Variants in SLC4A8 observed in about 807,000 individuals in gnomAD.
SLC4A8 encodes the protein solute carrier family 4 member 8, also known as electroneutral sodium bicarbonate exchanger 1.
Under a neutral mutation model 125.0 loss-of-function variants are expected in SLC4A8, and 40 were observed. The ratio of observed to expected loss-of-function variants is 0.32; its 90% CI spans 0.25 to 0.42. The LOEUF (loss-of-function observed/expected upper bound fraction) is 0.42, where lower values mean the gene tolerates loss of function less well. SLC4A8 is among the 10% of genes least tolerant of loss of function. The pLI is 1.00. For missense variants in SLC4A8, 863 were observed against 1,355.1 expected (o/e 0.64, Z 5.70); for synonymous variants, 456 against 476.0 (o/e 0.96, Z 0.55).
upstream of SLC4A8, among the ~76,000 whole-genome samples, chr12:51,424,029 T>C: frequency 9.6e-6 from 1 of 103,684 alleles, no homozygotes; most frequent in Non-Finnish European, 1.8e-5. Context: ...AGAGTGAAAC[T>C]TCGTCTCCAA....
intron 22 of SLC4A8, chr12:51,497,416 A>G (rs1438058257): frequency 3.8e-6 from 1 of 266,558 alleles, no homozygotes; most frequent in Non-Finnish European, 7.1e-6. Flanking sequence ...TCAATGGCTC[A>G]CATTCTTTCA....
chr12:51,499,180 CA>C lies in SLC4A8; in HGVS notation c.3081+2063del, dbSNP rs1245252576. Reference sequence around the variant, plus strand: ...TGGGCGAAAGAACAAGACTTTGTCTCAAAAAAATAAAAATAAGAAAGATATG... The same window carrying C: ...TGGGCGAAAGAACAAGACTTTGTCTCAAAAAATAAAAATAAGAAAGATATG... On this transcript the variant is annotated intron_variant, in intron 22 of 24. Coordinates refer to ENST00000453097, the MANE Select transcript of SLC4A8 (RefSeq NM_001039960.3). 2.6e-5 allele frequency among the ~76,000 whole-genome samples: 4 copies of C among 151,804 alleles called. No individual in the cohort carries two copies. In the East Asian group the frequency reaches 5.8e-4, roughly 22 times the overall value.
At chr12:51,439,087 C>T (rs55864166) in intron 1 of SLC4A8, among the ~76,000 whole-genome samples, 56,920 of 151,914 alleles carry the variant, frequency 0.37, 10,988 homozygotes, top group East Asian at 0.44. Flanking sequence ...GACAGAGTCT[C>T]GCTCTGTTGC....
chr12:51,474,650 CT>C (rs1195134632), intron 15 of SLC4A8: 1 of 901,110 alleles, frequency 1.1e-6, no homozygotes, highest in Non-Finnish European at 1.6e-6. Context: ...CTTCTCTTTT[CT>C]CCCCCCTACA....
At chr12:51,474,967 G>A in intron 15 of SLC4A8, 78 bp from the exon 16 acceptor site, 5 of 1,281,088 alleles carry the variant, frequency 3.9e-6, no homozygotes, top group South Asian at 1.4e-5. Context: ...GGATGACAAT[G>A]AGTGGTGGAC....
intron 16 of SLC4A8, among the ~76,000 whole-genome samples, chr12:51,483,463 TTCTTTTC>T (rs1951081797): frequency 6.6e-6 from 1 of 151,308 alleles, no homozygotes; most frequent in African/African-American, 2.4e-5. Context: ...TTTTCTTTTT[TTCTTTTC>T]TCTTTTTTTT....
chr12:51,391,803 G>C (rs1948120791), intron 1 of SLC4A8: 1 of 152,352 alleles, frequency 6.6e-6, no homozygotes, highest in Non-Finnish European at 1.5e-5. Flanking sequence ...GACCGGCAGA[G>C]GGGCGCCCCG....
intron 22 of SLC4A8, among the ~76,000 whole-genome samples, chr12:51,500,407 A>T (rs1199368139): frequency 6.6e-6 from 1 of 152,042 alleles, no homozygotes; most frequent in Non-Finnish European, 1.5e-5. Flanking sequence ...CATAGTTTTC[A>T]TATAACTATG....
chr12:51,427,462 G>A (rs1949029879), intron 1 of SLC4A8, among the ~76,000 whole-genome samples: 1 of 152,086 alleles, frequency 6.6e-6, no homozygotes, highest in Admixed American at 6.5e-5. Flanking sequence ...AAACTTTCTT[G>A]GGTGGTAGGG....
In SLC4A8 at chr12:51,475,660, C is replaced by T. The variant is rs1467441360; in HGVS notation, c.2172+454C>T. On this transcript the variant is annotated intron_variant, in intron 16 of 24. Transcript: ENST00000453097. ...ATGAAATCACTGGCGACACTGACTG[C>T]AGCAACCAGCATGCTCCTGACTTAG... Among the ~76,000 whole-genome samples, 10 of 152,318 alleles carry T rather than the reference C, an allele frequency of 6.6e-5. No individual in the cohort carries two copies. The East Asian group carries it at 1.4e-3, about 21-fold the overall frequency.
intron 16 of SLC4A8, among the ~76,000 whole-genome samples, chr12:51,479,674 C>A (rs561574044): frequency 8.4e-6 from 1 of 119,748 alleles, no homozygotes; most frequent in East Asian, 2.3e-4. Flanking sequence ...CAGAGTGAGA[C>A]TTGGTCTCAA....
At chr12:51,479,817 G>A (rs1950967812) in intron 16 of SLC4A8, among the ~76,000 whole-genome samples, 1 of 151,744 alleles carries the variant, frequency 6.6e-6, no homozygotes, top group Non-Finnish European at 1.5e-5. Context: ...TAAGATTATA[G>A]GCTATATGTT....
chr12:51,443,182 C>T (rs1949655813), intron 2 of SLC4A8, among the ~76,000 whole-genome samples: 3 of 152,058 alleles, frequency 2.0e-5, no homozygotes, highest in African/African-American at 7.2e-5. Flanking sequence ...AGTGCAGTGA[C>T]CCAGTCTTAG....
At chr12:51,504,310 G>A (rs1157275147) in intron 23 of SLC4A8, among the ~76,000 whole-genome samples, 190 bp downstream of exon 23, 3 of 152,198 alleles carry the variant, frequency 2.0e-5, no homozygotes, top group Non-Finnish European at 4.4e-5. Flanking sequence ...ACCAGGCACT[G>A]TATCAGGTTA....
intron 1 of SLC4A8, among the ~76,000 whole-genome samples, chr12:51,398,790 C>T (rs956527961): frequency 3.3e-5 from 5 of 152,192 alleles, no homozygotes; most frequent in African/African-American, 7.2e-5. Context: ...CGCTCTGTCG[C>T]GCAGTCTGGA....
Position 51,485,863 on chromosome 12 carries a change from T to G in SLC4A8, c.2249T>G (p.Val750Gly), listed in dbSNP as rs1341309800. 6.2e-7 allele frequency: 1 copy of G among 1,612,448 alleles called. No homozygotes were observed. The highest frequency in any genetic ancestry group is 1.3e-5 in the African/African-American group (1 of 74,856). The change falls in exon 17 of 25, where the codon GTC becomes GGC. Residue 750 changes from valine to glycine, a missense_variant. Transcript: ENST00000453097. Reference sequence around the variant, plus strand: ...GTGATTATTGATTTTTTGATTGGAGTCCCATCACCAAAGCTTCAAGTTCCC... The same window carrying G: ...GTGATTATTGATTTTTTGATTGGAGGCCCATCACCAAAGCTTCAAGTTCCC... ...TMVIIDFLIG[V>G]PSPKLQVPSV...
chr12:51,484,711 GTATTT>G (rs1269707985), intron 16 of SLC4A8, among the ~76,000 whole-genome samples: 1 of 152,192 alleles, frequency 6.6e-6, no homozygotes, highest in Non-Finnish European at 1.5e-5. Flanking sequence ...GCCAGGTACT[GTATTT>G]TATTAAAGCC....
intron 19 of SLC4A8, among the ~76,000 whole-genome samples, chr12:51,493,462 T>A (rs1951374362): frequency 6.6e-6 from 1 of 151,814 alleles, no homozygotes; most frequent in Non-Finnish European, 1.5e-5. Flanking sequence ...GCCAGATGGG[T>A]GAGATGGGAA....
At chr12:51,439,801 T>C (rs1331004040) in intron 1 of SLC4A8, among the ~76,000 whole-genome samples, 2 of 152,130 alleles carry the variant, frequency 1.3e-5, no homozygotes, top group Non-Finnish European at 2.9e-5. Flanking sequence ...ATAAGTAACT[T>C]TGAAATTTCA....
Sources: gnomAD v4.1 joint callset for allele counts (sites outside exome capture counted in the v4.1 genomes callset) on GRCh38, gnomAD v4.1.1 for gene constraint, MANE v1.5 for transcripts, NCBI Gene and HGNC (gene_info 2026-07-23, HGNC 2026-07-21) for gene names.